DRC11L: variants seen among roughly 807,000 people sequenced by gnomAD.
DRC11L encodes the protein dynein regulatory complex subunit like-11.
At chr7:151,204,613 C>G in the DRC11L span, 5 of 399,088 alleles carry the variant, frequency 1.3e-5, no homozygotes, top group East Asian at 1.4e-4. Context: ...CCCGCCACGC[C>G]GTCCAGCAGG....
the DRC11L span, among the ~76,000 whole-genome samples, chr7:151,203,676 C>G: frequency 3.9e-5 from 6 of 152,156 alleles, no homozygotes; most frequent in Admixed American, 3.9e-4. Flanking sequence ...CCCCCAAGAG[C>G]CACTCCTCTC....
the DRC11L span, among the ~76,000 whole-genome samples, chr7:151,198,463 G>A: frequency 1.3e-5 from 2 of 152,064 alleles, no homozygotes; most frequent in Non-Finnish European, 2.9e-5. Flanking sequence ...AAGGACCAGG[G>A]TGACGGAGGG....
At chr7:151,200,744 G>A in the DRC11L span, among the ~76,000 whole-genome samples, 2 of 152,048 alleles carry the variant, frequency 1.3e-5, no homozygotes, top group African/African-American at 4.8e-5. Flanking sequence ...CAGAGCTCAA[G>A]CACCCTACAC....
the DRC11L span, chr7:151,191,897 T>A: frequency 4.3e-5 from 17 of 399,014 alleles, no homozygotes; most frequent in Non-Finnish European, 7.1e-5. Flanking sequence ...GTGGAAGACA[T>A]GGGGCCTGGA....
the DRC11L span, chr7:151,197,259 T>G: frequency 3.3e-5 from 13 of 399,560 alleles, no homozygotes; most frequent in South Asian, 6.4e-4. Context: ...CATCCTTTCC[T>G]TTTTCCTTGC....
the DRC11L span, among the ~76,000 whole-genome samples, chr7:151,199,872 G>T: frequency 6.6e-6 from 1 of 152,342 alleles, no homozygotes; most frequent in East Asian, 1.9e-4. This position sits in a 1 kb window ranked among gnomAD's most constrained non-coding sequence, Gnocchi z 5.2. Context: ...ACAGAGAACA[G>T]GGGATAGACA....
At chr7:151,194,248 C>A in the DRC11L span, 4 of 398,938 alleles carry the variant, frequency 1.0e-5, no homozygotes, top group Non-Finnish European at 1.8e-5. Context: ...ACCCCCAGAG[C>A]CTCTCACCAA....
the DRC11L span, chr7:151,190,916 C>CTTTA: frequency 2.5e-6 from 1 of 399,212 alleles, no homozygotes; most frequent in African/African-American, 2.1e-5. Flanking sequence ...TGCCCCATCC[C>CTTTA]TTTACCCTTG....
the DRC11L span, chr7:151,195,601 C>T: frequency 7.5e-6 from 3 of 399,942 alleles, no homozygotes; most frequent in Non-Finnish European, 8.8e-6. Context: ...GGTCTTTCTT[C>T]CTCCTTGTCC....
At chr7:151,195,683 CG>C in the DRC11L span, 5 of 399,308 alleles carry the variant, frequency 1.3e-5, no homozygotes, top group Non-Finnish European at 4.4e-6. Flanking sequence ...CGAGGTGTGG[CG>C]GGGTGGCCTG....
At chr7:151,193,391 G>T in the DRC11L span, 1 of 399,518 alleles carries the variant, frequency 2.5e-6, no homozygotes. Flanking sequence ...GCCAGTTTCT[G>T]TGCACACTGC....
At chr7:151,191,954 G>T in the DRC11L span, 1 of 398,824 alleles carries the variant, frequency 2.5e-6, no homozygotes, top group Non-Finnish European at 4.4e-6. Flanking sequence ...AGCAGCCCCC[G>T]CCTGGATCTG....
chr7:151,204,719 G>A, the DRC11L span: 1 of 399,034 alleles, frequency 2.5e-6, no homozygotes, highest in Non-Finnish European at 4.4e-6. Context: ...AGAGCGATGC[G>A]AGCCTGTACT....
the DRC11L span, chr7:151,202,973 T>G: frequency 2.5e-6 from 1 of 399,788 alleles, no homozygotes; most frequent in Non-Finnish European, 4.4e-6. Flanking sequence ...TCCCGAATCC[T>G]CCCATCCTGC....
At chr7:151,197,436 T>C in the DRC11L span, 16 of 398,274 alleles carry the variant, frequency 4.0e-5, no homozygotes, top group Non-Finnish European at 6.6e-5. Flanking sequence ...CAGGGCCTGA[T>C]ACTGGGGTGA....
At chr7:151,191,159 T>C in the DRC11L span, 3 of 399,764 alleles carry the variant, frequency 7.5e-6, no homozygotes, top group African/African-American at 6.2e-5. Context: ...CTTTTACAGA[T>C]TGTTTCCTCA....
the DRC11L span, chr7:151,205,398 C>T: frequency 1.5e-5 from 6 of 399,200 alleles, no homozygotes; most frequent in Admixed American, 4.4e-5. Context: ...ATGCTCTGCC[C>T]TTTGCTGTCT....
the DRC11L span, among the ~76,000 whole-genome samples, chr7:151,192,986 C>T: frequency 0.23 from 35,496 of 152,208 alleles, 4,346 homozygotes; most frequent in Non-Finnish European, 0.26. Context: ...ACCTCCCAGC[C>T]TGCTGCTGCA....
chr7:151,192,879 G>A, the DRC11L span: 7 of 398,906 alleles, frequency 1.8e-5, no homozygotes, highest in Non-Finnish European at 2.7e-5. Flanking sequence ...TCTGGAGAAG[G>A]GTCATGTCCC....
Sources: allele counts gnomAD v4.1 joint callset (sites outside exome capture counted in the v4.1 genomes callset), GRCh38; gene constraint gnomAD v4.1.1; non-coding constraint Gnocchi (gnomAD v3.1); transcripts MANE v1.5; gene names NCBI Gene and HGNC (gene_info 2026-07-23, HGNC 2026-07-21).